Variants in CRAMP1 observed in about 807,000 individuals in gnomAD.
CRAMP1 encodes protein cramped-like.
Under a neutral mutation model 115.4 loss-of-function variants are expected in CRAMP1, and 50 were observed. The ratio of observed to expected loss-of-function variants is 0.43; its 90% CI spans 0.35 to 0.55. The LOEUF is 0.55. Ranked by LOEUF, CRAMP1 falls within the 20% of genes least tolerant of loss-of-function variation. The pLI, the probability that CRAMP1 is intolerant of heterozygous loss-of-function variation, is 0.01. For missense variants in CRAMP1, 1,679 were observed against 1,721.7 expected (o/e 0.98, Z 0.44); for synonymous variants, 866 against 745.4 (o/e 1.16, Z -2.64).
At position 1,669,217 on chromosome 16, in the gene CRAMP1, G is replaced by C. The variant is rs2036902026; in HGVS notation, c.3499+52G>C. On this transcript the variant is annotated intron_variant, in intron 19 of 20. Transcript: ENST00000397412. This position sits in a 1 kb window ranked among gnomAD's most constrained non-coding sequence, Gnocchi z 4.6. ...TCCTTTTCCAGGGCAGCAGGGGCTG[G>C]GGTCTGCGGGACACTGGATTCTCAT... is the stretch of plus-strand genomic sequence containing the variant. The C allele has an allele frequency of 7.2e-7, 1 of 1,397,728 alleles. No homozygotes were observed. The highest frequency in any genetic ancestry group is 1.5e-5 in the African/African-American group (1 of 68,518). 86.6% of individuals were successfully genotyped at this position (1,397,728 alleles called of 1,614,324 possible).
At chr16:1,649,651 GGCTAA>G (rs2036706439) in intron 6 of CRAMP1, among the ~76,000 whole-genome samples, 1 of 151,826 alleles carries the variant, frequency 6.6e-6, no homozygotes, top group Admixed American at 6.6e-5. Context: ...CACCACGCCT[GGCTAA>G]TTTTTTATAT....
intron 19 of CRAMP1, 80 bp from the exon 20 acceptor site, chr16:1,670,584 C>G: frequency 6.6e-7 from 1 of 1,509,628 alleles, no homozygotes; most frequent in Non-Finnish European, 9.1e-7. Flanking sequence ...GCTGGCTGCC[C>G]CCAGCCTCAG....
At chr16:1,661,353 G>A (rs921899863) in intron 11 of CRAMP1, among the ~76,000 whole-genome samples, 7 of 147,750 alleles carry the variant, frequency 4.7e-5, no homozygotes, top group Non-Finnish European at 7.5e-5. Flanking sequence ...GGAGGGGGCC[G>A]GGTGAGGGGT....
chr16:1,657,067 G>C, intron 10 of CRAMP1, 75 bp downstream of exon 10: 1 of 1,318,648 alleles, frequency 7.6e-7, no homozygotes, highest in Non-Finnish European at 1.0e-6. Flanking sequence ...TCCCTGCTGG[G>C]TAGCTAGGGC....
rs752778255 is a variant in CRAMP1 at position 1,668,018 on chromosome 16, C to G, written c.3159C>G (p.Leu1053=). The G allele has an allele frequency of 1.2e-6, 2 of 1,613,882 alleles. No individual in the cohort carries two copies. Among genetic ancestry groups the G allele is most frequent in the Admixed American group, 3.3e-5 (2 of 59,990 alleles). Reference sequence around the variant, plus strand: ...CCAAGGCCCCTCTCCAGAATGGCCTCTCCATACCGCTGTCCTCGTCAGAGA... The same window carrying G: ...CCAAGGCCCCTCTCCAGAATGGCCTGTCCATACCGCTGTCCTCGTCAGAGA... ...ELPKAPLQNG[L]SIPLSSSESS... Residue 1053 remains leucine (L), a synonymous_variant, in exon 18 of 21, where the codon CTC becomes CTG. Transcript: ENST00000397412.
At chr16:1,634,492 C>T (rs1395257128) in intron 4 of CRAMP1, among the ~76,000 whole-genome samples, 2 of 152,118 alleles carry the variant, frequency 1.3e-5, no homozygotes, top group Non-Finnish European at 1.5e-5. Context: ...TCACACCTCT[C>T]GGTGGGGGGT....
rs1376866964 is a variant in CRAMP1, at chr16:1,656,121, G to C, written c.1364G>C (p.Gly455Ala). 1 of 1,608,692 alleles carries C rather than the reference G, an allele frequency of 6.2e-7. No homozygotes were observed. The highest frequency in any genetic ancestry group is 2.2e-5 in the East Asian group (1 of 44,816). The change falls in exon 10 of 21, where the codon GGC becomes GCC. Residue 455 changes from glycine to alanine, a missense_variant. By Grantham distance (60) the Gly-to-Ala change is moderately conservative. Transcript: ENST00000397412. The surrounding 1 kb of genome is among the most constrained non-coding windows in gnomAD (Gnocchi z 5.6). ...ATCCTGGGCATCCAGAGTGGGCAGGGCACGGCCCGGGGCCAGGTGAAATGC... is the reference window on the plus strand; with the variant it reads ...ATCCTGGGCATCCAGAGTGGGCAGGCCACGGCCCGGGGCCAGGTGAAATGC... ...AQILGIQSGQ[G>A]TARGQVKCPR...
At chr16:1,635,267 G>A (rs181123568) in intron 4 of CRAMP1, among the ~76,000 whole-genome samples, 104 of 152,342 alleles carry the variant, frequency 6.8e-4, no homozygotes, top group Admixed American at 1.2e-3. Flanking sequence ...ATCTTGTGGC[G>A]TGAGACACAG....
In CRAMP1 at chr16:1,614,891, G is replaced by A; in HGVS notation, c.252G>A (p.Arg84=). Residue 84 remains arginine, a synonymous_variant, in exon 2 of 21, where the codon CGG becomes CGA. Coordinates refer to ENST00000397412, the MANE Select transcript of CRAMP1 (RefSeq NM_020825.4). This position sits in a 1 kb window ranked among gnomAD's most constrained non-coding sequence, Gnocchi z 4.4. ...GSPQDQHHFL[R]SSVRPQSKRP... ...CCCAGGACCAGCACCACTTCCTCCG[G>A]TCCAGCGTGCGGCCGCAGAGCAAGA... The A allele has an allele frequency of 4.5e-6, 6 of 1,328,092 alleles. No individual in the cohort carries two copies. The highest frequency in any genetic ancestry group is 5.8e-6 in the Non-Finnish European group (6 of 1,037,936). 82.3% of individuals were successfully genotyped at this position (1,328,092 alleles called of 1,614,324 possible). A position where few individuals can be genotyped will look rare whatever the true frequency, so the allele number is the denominator to read the frequency against.
chr16:1,615,170 T>C (rs2036407686), intron 2 of CRAMP1, among the ~76,000 whole-genome samples, 185 bp downstream of exon 2: 1 of 152,248 alleles, frequency 6.6e-6, no homozygotes. Context: ...AGGCTGCGAC[T>C]TTCTATATTT....
At chr16:1,648,583 C>T (rs2036696197) in intron 6 of CRAMP1, among the ~76,000 whole-genome samples, 1 of 147,912 alleles carries the variant, frequency 6.8e-6, no homozygotes, top group Non-Finnish European at 1.5e-5. Flanking sequence ...CCAGGCTGGG[C>T]AACACAATGA....
chr16:1,662,787 G>A lies in CRAMP1; in HGVS notation c.2622G>A (p.Lys874=). The change falls in exon 13 of 21, where the codon AAG becomes AAA. Residue 874 remains lysine (K), a synonymous_variant. Transcript: ENST00000397412. ...ISMQSDFFLP[K]PRKLRNRHLR... ...TGCAGTCGGATTTCTTCCTGCCAAA[G>A]CCCCGGAAGCTGCGGAACCGGCACC... The A allele has an allele frequency of 6.2e-7, 1 of 1,613,900 alleles. No homozygotes were observed.
intron 5 of CRAMP1, 142 bp from the exon 6 acceptor site, chr16:1,640,997 A>G (rs1255091091): frequency 1.3e-5 from 8 of 599,964 alleles, no homozygotes; most frequent in African/African-American, 7.5e-5. Flanking sequence ...GGCTGCAGCT[A>G]CTGTAGGGCT....
At chr16:1,654,344 T>A (rs144945799) in intron 8 of CRAMP1, among the ~76,000 whole-genome samples, 3,293 of 151,758 alleles carry the variant, frequency 0.022, 217 homozygotes, top group Admixed American at 0.13. Context: ...CCCGAGCAGC[T>A]GGGATTACAT....
chr16:1,632,449 G>C, intron 4 of CRAMP1, 84 bp downstream of exon 4: 3 of 1,357,424 alleles, frequency 2.2e-6, no homozygotes. Flanking sequence ...CAAGCCCGCC[G>C]GACCTGCTTT....
At position 1,656,361 on chromosome 16, in the gene CRAMP1, C is replaced by T; in HGVS notation, c.1604C>T (p.Thr535Ile). 6.2e-7 allele frequency: 1 copy of T among 1,603,826 alleles called. No homozygotes were observed. Among genetic ancestry groups the T allele is most frequent in the African/African-American group, 1.3e-5 (1 of 74,774 alleles). Residue 535 changes from threonine to isoleucine, a missense_variant, in exon 10 of 21, where the codon ACC (threonine) becomes ATC (isoleucine). By Grantham distance (89) the Thr-to-Ile change is moderately conservative (BLOSUM62 -1). This residue lies in a region of CRAMP1 where 405 missense variants were observed against 302.6 expected (regional missense o/e 1.34). Transcript: ENST00000397412. The surrounding 1 kb of genome is among the most constrained non-coding windows in gnomAD (Gnocchi z 5.6). ...CCTGCAGAAGGCAGGGACAGTCCCA[C>T]CCGGGAGCCAGGGGCCTTGCCGTGT... is the stretch of plus-strand genomic sequence containing the variant. ...KTPAEGRDSP[T>I]REPGALPCAC...
rs1166938054 is a variant in CRAMP1 at position 1,676,654 on chromosome 16, C to T, written c.*2609C>T. 1.3e-5 allele frequency: 2 copies of T among 152,240 alleles called. No homozygotes were observed. The highest frequency in any genetic ancestry group is 2.9e-5 in the Non-Finnish European group (2 of 68,050). 9.4% of individuals were successfully genotyped at this position (152,240 alleles called of 1,614,324 possible). A position where few individuals can be genotyped will look rare whatever the true frequency, so the allele number is the denominator to read the frequency against. On this transcript the variant is annotated 3_prime_UTR_variant, in exon 21 of 21. Transcript: ENST00000397412. ...TCTTAGAAAAAGCTTTCCTGAATCC[C>T]TCTGACGTTGCCTGGGATCTTTCTG...
rs370455482 is a variant in CRAMP1, at chr16:1,666,301, C to T, written c.2858-121C>T. The T allele has an allele frequency of 8.4e-7, 1 of 1,197,560 alleles. No individual in the cohort carries two copies. Among genetic ancestry groups the T allele is most frequent in the Non-Finnish European group, 1.2e-6 (1 of 833,764 alleles). The allele number at this position is 1,197,560 out of a possible 1,614,324, so 74.2% of individuals were successfully genotyped here. ...TCTCATTACCCTTCACCAAGAACAT[C>T]TAAGCCCTTGGCTCTTGCATTGACA... On this transcript the variant is annotated intron_variant, in intron 15 of 20. Coordinates refer to ENST00000397412, the MANE Select transcript of CRAMP1 (RefSeq NM_020825.4). This position sits in a 1 kb window ranked among gnomAD's most constrained non-coding sequence, Gnocchi z 5.0.
Position 1,626,145 on chromosome 16 carries a change from C to G in CRAMP1, c.519C>G (p.Thr173=), listed in dbSNP as rs2036506379. 1 of 1,528,616 alleles carries G rather than the reference C, an allele frequency of 6.5e-7. No homozygotes were observed. Among genetic ancestry groups the G allele is most frequent in the Non-Finnish European group, 8.8e-7 (1 of 1,133,704 alleles). The allele number at this position is 1,528,616 out of a possible 1,614,324, so 94.7% of individuals were successfully genotyped here. ...WESWSTEDKN[T]FFEGLYEHGK... is the part of the protein sequence containing the mutation. ...CGTGGAGCACAGAGGACAAGAACAC[C>G]TTCTTCGAGGGGCTGTACGAGGTGA... The change falls in exon 3 of 21, where the codon ACC becomes ACG. Residue 173 remains threonine (T), a synonymous_variant. Transcript: ENST00000397412.
Sources: gnomAD v4.1 joint callset for allele counts (sites outside exome capture counted in the v4.1 genomes callset) on GRCh38, gnomAD v4.1.1 for gene constraint, gnomAD v4.1.1 regional missense constraint, Gnocchi (gnomAD v3.1) non-coding constraint, MANE v1.5 for transcripts, NCBI Gene and HGNC (gene_info 2026-07-23, HGNC 2026-07-21) for gene names.